CMIP: variants seen among roughly 807,000 people sequenced by gnomAD.
The protein encoded by CMIP is c-Maf inducing protein, also known as C-Maf-inducing protein.
Under a neutral mutation model 97.3 loss-of-function variants are expected in CMIP, and 13 were observed. The observed-to-expected ratio is 0.13, with a 90% CI of 0.09 to 0.21. The LOEUF (loss-of-function observed/expected upper bound fraction) is 0.21. CMIP is among the 10% of genes least tolerant of loss of function. The pLI, the probability that CMIP is intolerant of heterozygous loss-of-function variation, is 1.00. For synonymous variants in CMIP, 538 were observed against 436.3 expected, an observed-to-expected ratio of 1.23 and a Z score of -2.91; for missense variants, 847 against 1,024.9, an observed-to-expected ratio of 0.83 and a Z score of 2.37.
chr16:81,675,469 T>C (rs1344036382), intron 9 of CMIP, among the ~76,000 whole-genome samples: 1 of 151,536 alleles, frequency 6.6e-6, no homozygotes, highest in East Asian at 1.9e-4. Context: ...AATGCCCCCC[T>C]TAGCCTCCAG....
intron 1 of CMIP, among the ~76,000 whole-genome samples, chr16:81,556,685 G>A (rs2090770707): frequency 1.3e-5 from 2 of 152,196 alleles, no homozygotes; most frequent in African/African-American, 4.8e-5. Context: ...GGCGATGGTT[G>A]CACAGCAGTG....
chr16:81,660,073 G>A (rs564784417), intron 5 of CMIP, among the ~76,000 whole-genome samples: 37 of 152,036 alleles, frequency 2.4e-4, no homozygotes, highest in Middle Eastern at 3.4e-3. Context: ...AGTAGTAACC[G>A]TTGTTGGTCA....
At chr16:81,604,809 G>C (rs920338676) in intron 1 of CMIP, among the ~76,000 whole-genome samples, 1 of 152,214 alleles carries the variant, frequency 6.6e-6, no homozygotes, top group Non-Finnish European at 1.5e-5. Context: ...CTAAGGCAGG[G>C]CATGTGAAAG....
At chr16:81,560,425 A>G (rs2090859259) in intron 1 of CMIP, among the ~76,000 whole-genome samples, 1 of 152,030 alleles carries the variant, frequency 6.6e-6, no homozygotes, top group Non-Finnish European at 1.5e-5. Context: ...TCACCGTGTT[A>G]GCCAGGATGG....
At chr16:81,539,668 T>C (rs913248692) in intron 1 of CMIP, among the ~76,000 whole-genome samples, 20 of 152,168 alleles carry the variant, frequency 1.3e-4, no homozygotes, top group African/African-American at 4.6e-4. Flanking sequence ...AGCTGGAGCC[T>C]CCTCCCTACC....
chr16:81,664,546 A>T (rs1226071301), intron 7 of CMIP, 197 bp downstream of exon 7: 4 of 572,856 alleles, frequency 7.0e-6, no homozygotes, highest in South Asian at 6.9e-5. Context: ...CAACAGGAAG[A>T]ATCTTTTTGC....
At chr16:81,497,729 C>T (rs921838776) in intron 1 of CMIP, among the ~76,000 whole-genome samples, 29 of 152,252 alleles carry the variant, frequency 1.9e-4, no homozygotes, top group African/African-American at 6.8e-4. Context: ...GTGCTAAAGG[C>T]TCAGTGGCCT....
chr16:81,602,976 A>G (rs534280674), intron 1 of CMIP, among the ~76,000 whole-genome samples: 31 of 152,348 alleles, frequency 2.0e-4, no homozygotes, highest in African/African-American at 6.5e-4. Flanking sequence ...CCCAAGGAAC[A>G]GCAGCGTTCA....
intron 1 of CMIP, among the ~76,000 whole-genome samples, chr16:81,491,219 G>T (rs2089400720): frequency 6.6e-6 from 1 of 152,212 alleles, no homozygotes; most frequent in Non-Finnish European, 1.5e-5. Flanking sequence ...ATGTCTAGGG[G>T]GCTGGAGTGC....
intron 2 of CMIP, among the ~76,000 whole-genome samples, chr16:81,611,931 G>A (rs1421996304): frequency 6.6e-6 from 1 of 152,210 alleles, no homozygotes; most frequent in Non-Finnish European, 1.5e-5. Context: ...GAGGCGCCCA[G>A]CCTTCCAGCG....
chr16:81,598,487 G>GAGTAT (rs1567602139), intron 1 of CMIP, among the ~76,000 whole-genome samples: 2 of 152,216 alleles, frequency 1.3e-5, no homozygotes, highest in Admixed American at 1.3e-4. Flanking sequence ...GTAGGGCAGT[G>GAGTAT]CCAGTATCAA....
intron 3 of CMIP, among the ~76,000 whole-genome samples, chr16:81,640,221 C>T (rs1158835839): frequency 6.7e-6 from 1 of 150,076 alleles, no homozygotes; most frequent in Non-Finnish European, 1.5e-5. Context: ...GGGCTGGAGG[C>T]GGGCCTTAGG....
At chr16:81,555,194 C>T (rs1413870038) in intron 1 of CMIP, among the ~76,000 whole-genome samples, 1 of 152,150 alleles carries the variant, frequency 6.6e-6, no homozygotes, top group Non-Finnish European at 1.5e-5. Context: ...GCAGCATTTC[C>T]GATGTTGTCA....
intron 1 of CMIP, among the ~76,000 whole-genome samples, chr16:81,551,577 A>C (rs928323242): frequency 2.0e-5 from 3 of 152,220 alleles, no homozygotes; most frequent in African/African-American, 7.2e-5. Context: ...TCAAAGACAC[A>C]CTGGGGCCGT....
At chr16:81,452,889 T>TG (rs112284417) in intron 1 of CMIP, among the ~76,000 whole-genome samples, 18,011 of 112,486 alleles carry the variant, frequency 0.16, 1,216 homozygotes, top group African/African-American at 0.31. Context: ...TGTTTTGTTT[T>TG]TTTTTTTTTT....
rs1469536274 is a variant in CMIP, at chr16:81,621,070, G to A, written c.477+144G>A. ...TGAGGAACTTTGTTCCCCTACCTAA[G>A]AGCCCCTGGCCCTTCGTCCTCTGCT... On this transcript the variant is annotated intron_variant, in intron 3 of 20. Transcript: ENST00000537098. The surrounding 1 kb of genome is among the most constrained non-coding windows in gnomAD (Gnocchi z 4.1). 12 of 926,718 alleles carry A rather than the reference G, an allele frequency of 1.3e-5. No homozygotes were observed. The highest frequency in any genetic ancestry group is 1.8e-5 in the Non-Finnish European group (11 of 611,990). The allele number at this position is 926,718 out of a possible 1,614,324, so 57.4% of individuals were successfully genotyped here. A position where few individuals can be genotyped will look rare whatever the true frequency, so the allele number is the denominator to read the frequency against.
intron 1 of CMIP, among the ~76,000 whole-genome samples, chr16:81,543,143 G>T (rs761165426): frequency 6.6e-6 from 1 of 152,224 alleles, no homozygotes; most frequent in Non-Finnish European, 1.5e-5. Context: ...ATGGCTTGCT[G>T]TGTGGCCTTG....
At chr16:81,501,692 A>G (rs2089616109) in intron 1 of CMIP, among the ~76,000 whole-genome samples, 1 of 150,994 alleles carries the variant, frequency 6.6e-6, no homozygotes, top group Admixed American at 6.6e-5. Context: ...GCTCACTGCA[A>G]CTTCTGCTTC....
At chr16:81,539,825 C>G (rs142378877) in intron 1 of CMIP, among the ~76,000 whole-genome samples, 332 of 152,318 alleles carry the variant, frequency 2.2e-3, no homozygotes, top group African/African-American at 7.4e-3. Context: ...CAGTCATTCT[C>G]TTTATGAATG....
Sources: gnomAD v4.1 joint callset for allele counts (sites outside exome capture counted in the v4.1 genomes callset) on GRCh38, gnomAD v4.1.1 for gene constraint, Gnocchi (gnomAD v3.1) non-coding constraint, MANE v1.5 for transcripts, NCBI Gene and HGNC (gene_info 2026-07-23, HGNC 2026-07-21) for gene names.